Variants in NCALD observed in about 807,000 individuals in gnomAD.
The protein encoded by NCALD is neurocalcin delta.
NCALD carries 10 observed loss-of-function variants against 18.6 expected under a neutral mutation model. That is an observed-to-expected ratio of 0.54 (90% CI 0.33 to 0.91). The LOEUF is 0.91. Among genes scored for constraint, NCALD ranks in the 40% least tolerant of loss-of-function variants. The pLI, the probability that NCALD is intolerant of heterozygous loss-of-function variation, is 0.03. For synonymous variants in NCALD, 88 were observed against 87.4 expected, an observed-to-expected ratio of 1.01 and a Z score of -0.04; for missense variants, 184 against 247.6, an observed-to-expected ratio of 0.74 and a Z score of 1.72.
intron 2 of NCALD, among the ~76,000 whole-genome samples, chr8:101,698,415 T>C (rs888385958): frequency 7.2e-5 from 11 of 152,046 alleles, no homozygotes; most frequent in African/African-American, 1.4e-4. Context: ...ACATTCTTCA[T>C]AGAACCAGAA....
At chr8:101,746,613 T>TTTTC (rs1281393010) in intron 1 of NCALD, among the ~76,000 whole-genome samples, 4 of 152,098 alleles carry the variant, frequency 2.6e-5, no homozygotes, top group African/African-American at 9.7e-5. Context: ...AAGCAAAATA[T>TTTTC]TTTCCTTCAA....
upstream of NCALD, among the ~76,000 whole-genome samples, chr8:101,795,850 G>GA (rs1229939609): frequency 6.6e-6 from 1 of 152,076 alleles, no homozygotes; most frequent in South Asian, 2.1e-4. Context: ...TAGACAGAGA[G>GA]AAAAAAATGG....
intron 2 of NCALD, among the ~76,000 whole-genome samples, chr8:101,977,182 G>T (rs1273725257): frequency 6.6e-6 from 1 of 150,734 alleles, no homozygotes; most frequent in Non-Finnish European, 1.5e-5. Context: ...AGATGGAAAG[G>T]AGAAATAACC....
Position 101,862,199 on chromosome 8 carries a change from C to T in NCALD, c.-20+24942G>A, listed in dbSNP as rs1377310153. Among the ~76,000 whole-genome samples, 3 of 152,104 alleles carry T rather than the reference C, an allele frequency of 2.0e-5. No homozygotes were observed. In the South Asian group the frequency reaches 6.2e-4, roughly 32 times the overall value. Reference sequence around the variant, plus strand: ...AAAGGATTGACTTTCACAGACATTACAATATGTTAATAAAGAAATGAATAA... The same window carrying T: ...AAAGGATTGACTTTCACAGACATTATAATATGTTAATAAAGAAATGAATAA... On this transcript the variant is annotated intron_variant, in intron 4 of 6. Coordinates refer to the NCALD transcript ENST00000311028.
At chr8:101,833,786 T>C (rs1814291941) in intron 4 of NCALD, among the ~76,000 whole-genome samples, 1 of 152,142 alleles carries the variant, frequency 6.6e-6, no homozygotes, top group Non-Finnish European at 1.5e-5. Context: ...TATGCCAGTT[T>C]AAAATACAAT....
chr8:101,764,378 G>A (rs1305609380), intron 1 of NCALD, among the ~76,000 whole-genome samples: 1 of 152,152 alleles, frequency 6.6e-6, no homozygotes, highest in Non-Finnish European at 1.5e-5. Context: ...GAGGAAGGGG[G>A]GATCCCCTGT....
intron 4 of NCALD, among the ~76,000 whole-genome samples, chr8:101,824,897 C>T (rs1813869235): frequency 6.6e-6 from 1 of 152,192 alleles, no homozygotes; most frequent in African/African-American, 2.4e-5. Context: ...ACACACCATA[C>T]TGAAGAGGAA....
chr8:101,711,382 C>T (rs1262914117), intron 2 of NCALD, among the ~76,000 whole-genome samples: 4 of 151,992 alleles, frequency 2.6e-5, no homozygotes, highest in Non-Finnish European at 5.9e-5. Context: ...ATCACAACCC[C>T]TCGCGGGCAA....
chr8:101,843,687 G>A (rs897297607), intron 4 of NCALD, among the ~76,000 whole-genome samples: 9 of 146,074 alleles, frequency 6.2e-5, no homozygotes, highest in East Asian at 4.1e-4. Context: ...AGCCATTCCT[G>A]TGTCTCAGCC....
chr8:101,697,236 CT>C (rs1300138920), intron 2 of NCALD, among the ~76,000 whole-genome samples: 3 of 152,078 alleles, frequency 2.0e-5, no homozygotes, highest in Non-Finnish European at 4.4e-5. Context: ...CCTCCCAAGA[CT>C]AAACCAGAAA....
At chr8:101,857,219 T>A (rs890419476) in intron 4 of NCALD, among the ~76,000 whole-genome samples, 9 of 152,204 alleles carry the variant, frequency 5.9e-5, no homozygotes, top group African/African-American at 2.2e-4. Flanking sequence ...ACACTGTCCA[T>A]CTTCCTCCTC....
At chr8:102,109,068 C>A (rs1825564903) in intron 1 of NCALD, among the ~76,000 whole-genome samples, 1 of 152,122 alleles carries the variant, frequency 6.6e-6, no homozygotes, top group Non-Finnish European at 1.5e-5. Context: ...CTCTGAGCTT[C>A]TCAGACCGCA....
At chr8:101,711,796 T>C (rs751426621) in intron 2 of NCALD, among the ~76,000 whole-genome samples, 1 of 152,130 alleles carries the variant, frequency 6.6e-6, no homozygotes, top group Non-Finnish European at 1.5e-5. Flanking sequence ...TAACGTTTGA[T>C]TGGTGTACCT....
At chr8:101,975,350 T>C (rs1820382457) in intron 2 of NCALD, 1 of 152,204 alleles carries the variant, frequency 6.6e-6, no homozygotes, top group Non-Finnish European at 1.5e-5. Context: ...CCTGGAGAGC[T>C]GTTGAACTAT....
intron 4 of NCALD, among the ~76,000 whole-genome samples, chr8:101,808,850 A>G (rs553745336): frequency 6.6e-6 from 1 of 152,238 alleles, no homozygotes; most frequent in East Asian, 1.9e-4. Context: ...CTGCCATTTC[A>G]AGGCTACATT....
At chr8:102,094,532 G>A (rs1448330700) in intron 1 of NCALD, among the ~76,000 whole-genome samples, 32 of 152,296 alleles carry the variant, frequency 2.1e-4, no homozygotes, top group Non-Finnish European at 7.4e-5. Context: ...CGAAGCCAGC[G>A]ATTGCTAGTA....
intron 2 of NCALD, among the ~76,000 whole-genome samples, chr8:101,981,221 A>G (rs777736643): frequency 7.2e-5 from 11 of 152,198 alleles, no homozygotes; most frequent in Non-Finnish European, 1.3e-4. Context: ...CTTAGTGCCT[A>G]TTCTGAAAAA....
rs1006189516 is a variant in NCALD, at chr8:101,860,867, G to A, written c.-20+26274C>T. The stretch of plus-strand genomic sequence containing the variant: ...ACTGTTTAGAAATATGGAGGCAGTG[G>A]TGAGCTGTAATTGCCTGTACCGACC... On this transcript the variant is annotated intron_variant, in intron 4 of 6. Transcript: ENST00000311028. Among the ~76,000 whole-genome samples the A allele has an allele frequency of 6.6e-5, 10 of 152,094 alleles. 1 individual carries two copies. In the South Asian group the frequency reaches 2.1e-3, roughly 32 times the overall value.
intron 2 of NCALD, among the ~76,000 whole-genome samples, chr8:101,976,969 G>T (rs1360438317): frequency 6.9e-6 from 1 of 145,766 alleles, no homozygotes; most frequent in Non-Finnish European, 1.5e-5. Context: ...AGGAAGTTAG[G>T]GAGGGCCCCT....
Sources: gnomAD v4.1 joint callset for allele counts (sites outside exome capture counted in the v4.1 genomes callset) on GRCh38, gnomAD v4.1.1 for gene constraint, MANE v1.5 for transcripts, NCBI Gene and HGNC (gene_info 2026-07-23, HGNC 2026-07-21) for gene names.